WWOX: variants seen among roughly 807,000 people sequenced by gnomAD.
WWOX encodes the protein WW domain-containing oxidoreductase.
Under a neutral mutation model 46.2 loss-of-function variants are expected in WWOX, and 69 were observed. The ratio of observed to expected loss-of-function variants is 1.49; its 90% confidence interval spans 1.23 to 1.82. WWOX has a LOEUF of 1.82. WWOX is among the 40% of genes most tolerant of loss of function. The probability of loss-of-function intolerance (pLI) is 0.00; values close to 1 mark genes in which losing one functional copy is unlikely to be tolerated. For missense variants in WWOX, 919 were observed against 542.6 expected, an observed-to-expected ratio of 1.69 and a Z score of -6.89; for synonymous variants, 359 against 202.6, an observed-to-expected ratio of 1.77 and a Z score of -6.56.
At chr16:78,918,851 C>T (rs896857983) in intron 8 of WWOX, among the ~76,000 whole-genome samples, 2 of 152,088 alleles carry the variant, frequency 1.3e-5, no homozygotes, top group Non-Finnish European at 2.9e-5. Flanking sequence ...TCACATGATC[C>T]GTCGTTCCAA....
intron 8 of WWOX, among the ~76,000 whole-genome samples, chr16:78,882,131 C>G (rs555110084): frequency 6.6e-6 from 1 of 152,198 alleles, no homozygotes; most frequent in East Asian, 1.9e-4. Context: ...ATTTACAAAA[C>G]AAAAACAAAG....
intron 5 of WWOX, among the ~76,000 whole-genome samples, chr16:78,305,371 A>G (rs2080114730): frequency 6.6e-6 from 1 of 152,146 alleles, no homozygotes; most frequent in Admixed American, 6.5e-5. Flanking sequence ...AATAGCCAGG[A>G]GGAAAAAGCC....
chr16:78,828,963 C>T (rs772045804), intron 8 of WWOX, among the ~76,000 whole-genome samples: 33 of 152,156 alleles, frequency 2.2e-4, no homozygotes, highest in African/African-American at 7.2e-4. Context: ...CTTGCCAAAG[C>T]GACACAGCCA....
intron 8 of WWOX, among the ~76,000 whole-genome samples, chr16:78,842,774 C>T (rs1394073100): frequency 7.5e-6 from 1 of 132,604 alleles, no homozygotes. Context: ...TTCATTTGAG[C>T]CCAGGAGGCG....
chr16:79,136,092 C>A (rs2049976788), intron 8 of WWOX, among the ~76,000 whole-genome samples: 1 of 152,078 alleles, frequency 6.6e-6, no homozygotes, highest in African/African-American at 2.4e-5. Context: ...TGGCAGAATA[C>A]CATTTAAGTC....
At chr16:78,319,865 C>T (rs376746129) in intron 5 of WWOX, among the ~76,000 whole-genome samples, 14 of 152,150 alleles carry the variant, frequency 9.2e-5, no homozygotes, top group South Asian at 8.3e-4. Flanking sequence ...CATCACCTCA[C>T]GCGTCTTTTC....
At chr16:79,048,181 C>G (rs920000320) in intron 8 of WWOX, among the ~76,000 whole-genome samples, 2 of 152,132 alleles carry the variant, frequency 1.3e-5, no homozygotes, top group Admixed American at 6.5e-5. Context: ...TAGCCTTCGA[C>G]TTTCTATTTT....
chr16:78,780,003 T>A (rs1419493444), intron 8 of WWOX, among the ~76,000 whole-genome samples: 1 of 152,198 alleles, frequency 6.6e-6, no homozygotes, highest in Non-Finnish European at 1.5e-5. Context: ...TGTCAACATC[T>A]CTGGAACATA....
intron 8 of WWOX, among the ~76,000 whole-genome samples, chr16:78,838,295 G>A (rs961301172): frequency 2.0e-5 from 3 of 152,140 alleles, no homozygotes; most frequent in East Asian, 1.9e-4. Flanking sequence ...GGGCCATGGC[G>A]TTGCAGAGTG....
chr16:78,306,729 C>G (rs1043995663), intron 5 of WWOX, among the ~76,000 whole-genome samples: 1 of 151,838 alleles, frequency 6.6e-6, no homozygotes, highest in East Asian at 1.9e-4. Context: ...CTCCTTCCCA[C>G]AACCCCAGTG....
chr16:78,617,776 C>G lies in WWOX; in HGVS notation c.1056+185024C>G, dbSNP rs9933350. ...TGGGCATCTCACGCATTGGCCCTAT[C>G]CACATGTTGCCTCCAGCATCCCAGG... is the stretch of plus-strand genomic sequence containing the variant. On this transcript the variant is annotated intron_variant, in intron 8 of 8. Coordinates refer to ENST00000566780, the MANE Select transcript of WWOX (RefSeq NM_016373.4). 6.6e-5 allele frequency among the ~76,000 whole-genome samples: 10 copies of G among 152,208 alleles called. No individual in the cohort carries two copies. In the South Asian group the frequency reaches 1.5e-3, roughly 22 times the overall value.
At chr16:79,211,248 T>A (rs418017) in intron 8 of WWOX, among the ~76,000 whole-genome samples, 1 of 151,864 alleles carries the variant, frequency 6.6e-6, no homozygotes, top group African/African-American at 2.4e-5. Flanking sequence ...ATGGAGAAGT[T>A]GAGGGGTTGG....
At chr16:78,847,189 C>T (rs765431316) in intron 8 of WWOX, among the ~76,000 whole-genome samples, 1 of 152,212 alleles carries the variant, frequency 6.6e-6, no homozygotes, top group Non-Finnish European at 1.5e-5. Flanking sequence ...ATATTTAGAA[C>T]TAAGATCTAG....
chr16:78,291,330 G>A (rs2079853794), intron 5 of WWOX, among the ~76,000 whole-genome samples: 1 of 152,130 alleles, frequency 6.6e-6, no homozygotes, highest in Non-Finnish European at 1.5e-5. Flanking sequence ...CACAGTGTTG[G>A]CGGCCTTTCA....
intron 8 of WWOX, among the ~76,000 whole-genome samples, chr16:78,669,303 T>G (rs116654222): frequency 2.6e-5 from 4 of 152,232 alleles, no homozygotes; most frequent in Non-Finnish European, 5.9e-5. Context: ...TGGGATGGAT[T>G]TGTGTCTATA....
chr16:78,762,157 G>A (rs1285969265), intron 8 of WWOX, among the ~76,000 whole-genome samples: 1 of 152,170 alleles, frequency 6.6e-6, no homozygotes, highest in Non-Finnish European at 1.5e-5. Context: ...AGGAAACCAA[G>A]GTCAAAAGTG....
intron 6 of WWOX, among the ~76,000 whole-genome samples, chr16:78,409,045 T>A (rs2082612798): frequency 6.6e-6 from 1 of 152,228 alleles, no homozygotes; most frequent in Non-Finnish European, 1.5e-5. Flanking sequence ...GGCTGCTGCT[T>A]ATAGCTCTTG....
intron 8 of WWOX, among the ~76,000 whole-genome samples, chr16:78,667,091 G>C (rs2047348440): frequency 1.3e-5 from 2 of 152,118 alleles, no homozygotes; most frequent in Admixed American, 1.3e-4. Flanking sequence ...TTGTGTACTT[G>C]CTTTTTAAAT....
intron 8 of WWOX, among the ~76,000 whole-genome samples, chr16:78,749,308 A>G (rs1463110770): frequency 6.6e-6 from 1 of 152,228 alleles, no homozygotes; most frequent in Non-Finnish European, 1.5e-5. Context: ...CCCTACAGAG[A>G]GGAAAGGGGA....
Sources: gnomAD v4.1 joint callset for allele counts (sites outside exome capture counted in the v4.1 genomes callset) on GRCh38, gnomAD v4.1.1 for gene constraint, MANE v1.5 for transcripts, NCBI Gene and HGNC (gene_info 2026-07-23, HGNC 2026-07-21) for gene names.